The following BBX variants were observed in gnomAD, a reference collection of about 807,000 sequenced individuals.
The protein encoded by BBX is HMG box transcription factor BBX.
In BBX, 30 loss-of-function variants were observed where a neutral mutation model predicts 100.2. The observed-to-expected ratio is 0.30, with a 90% CI of 0.22 to 0.41. BBX has a LOEUF of 0.41. BBX is among the 10% of genes least tolerant of loss of function. The probability of loss-of-function intolerance (pLI) is 1.00; values close to 1 mark genes in which losing one functional copy is unlikely to be tolerated. For missense variants in BBX, 1,023 were observed against 1,129.8 expected (o/e 0.91, Z 1.35); for synonymous variants, 376 against 388.1 (o/e 0.97, Z 0.37).
intron 13 of BBX, among the ~76,000 whole-genome samples, chr3:107,781,007 T>A (rs2067827504): frequency 6.6e-6 from 1 of 152,088 alleles, no homozygotes; most frequent in African/African-American, 2.4e-5. Context: ...TCATTTGTCA[T>A]CATTCAATAT....
In BBX at chr3:107,662,370, G is replaced by GCTAA. The variant is rs779699450; in HGVS notation, c.-10+16462_-10+16465dup. ...CGGTGGCGGGTAATGAAATGAAAGT[G>GCTAA]CTAAGTTTCAGTCTCCCAACAGCTA... On this transcript the variant is annotated intron_variant, in intron 3 of 17. Transcript: ENST00000325805. Among the ~76,000 whole-genome samples the GCTAA allele has an allele frequency of 4.1e-4, 63 of 152,248 alleles. No homozygotes were observed. The Middle Eastern group carries it at 0.01, about 25-fold the overall frequency.
At position 107,808,590 on chromosome 3, in the gene BBX, A is replaced by G. The variant is rs2071172838; in HGVS notation, c.*3133A>G. 6.6e-6 allele frequency: 1 copy of G among 152,204 alleles called. No individual in the cohort carries two copies. Among genetic ancestry groups the G allele is most frequent in the Non-Finnish European group, 1.5e-5 (1 of 68,034 alleles). The allele number at this position is 152,204 out of a possible 1,614,324, so 9.4% of individuals were successfully genotyped here. ...TTATAGTAACTGAAGCTGCAGCTGT[A>G]AGAAGCTGAGTGAAAGAAAAAATAC... On this transcript the variant is annotated 3_prime_UTR_variant, in exon 18 of 18. Transcript: ENST00000325805.
At chr3:107,624,273 A>T (rs924429400) in intron 2 of BBX, among the ~76,000 whole-genome samples, 1 of 152,230 alleles carries the variant, frequency 6.6e-6, no homozygotes, top group Non-Finnish European at 1.5e-5. Flanking sequence ...TATCCATTAC[A>T]TAAAACAAGG....
At chr3:107,528,491 G>A (rs1388667535) in intron 2 of BBX, among the ~76,000 whole-genome samples, 1 of 152,234 alleles carries the variant, frequency 6.6e-6, no homozygotes, top group East Asian at 1.9e-4. Context: ...TTAAGAAAAT[G>A]TATCTTGATC....
chr3:107,579,621 C>T (rs1009803125), intron 2 of BBX, among the ~76,000 whole-genome samples: 1 of 152,234 alleles, frequency 6.6e-6, no homozygotes, highest in African/African-American at 2.4e-5. Context: ...CAGTCCCTCC[C>T]ATCCCAGCAG....
At chr3:107,656,324 A>G (rs1052970638) in intron 3 of BBX, among the ~76,000 whole-genome samples, 16 of 152,170 alleles carry the variant, frequency 1.1e-4, no homozygotes, top group African/African-American at 3.6e-4. Flanking sequence ...AATATCTCTC[A>G]ACAATTAATA....
intron 3 of BBX, among the ~76,000 whole-genome samples, chr3:107,650,994 C>T (rs2057805712): frequency 6.6e-6 from 1 of 152,124 alleles, no homozygotes; most frequent in Admixed American, 6.5e-5. Flanking sequence ...GTGTAGGCAG[C>T]GAGCTCTAGT....
At chr3:107,763,329 A>G (rs1428739832) in intron 10 of BBX, among the ~76,000 whole-genome samples, 1 of 147,594 alleles carries the variant, frequency 6.8e-6, no homozygotes, top group Non-Finnish European at 1.5e-5. Context: ...GGTTCACGCC[A>G]CTCTCCTGCC....
chr3:107,585,291 G>C (rs2052747849), intron 2 of BBX, among the ~76,000 whole-genome samples: 1 of 152,188 alleles, frequency 6.6e-6, no homozygotes, highest in Non-Finnish European at 1.5e-5. Context: ...GAAGAAAAAG[G>C]TGATAGTTAC....
In BBX at chr3:107,549,468, C is replaced by T. The variant is rs1451433896; in HGVS notation, c.-84+23070C>T. Among the ~76,000 whole-genome samples the T allele has an allele frequency of 4.2e-4, 64 of 152,006 alleles. 1 individual carries two copies. Among genetic ancestry groups the T allele is most frequent in the Non-Finnish European group, 1.5e-5 (1 of 67,980 alleles). The stretch of plus-strand genomic sequence containing the variant: ...TCATACTCTCAGGAATTATGCAAGT[C>T]CAGGATAGGTGTGTGCAAAGATAGC... On this transcript the variant is annotated intron_variant, in intron 2 of 17. Coordinates refer to ENST00000325805, the MANE Select transcript of BBX (RefSeq NM_001142568.3).
intron 2 of BBX, among the ~76,000 whole-genome samples, chr3:107,644,816 G>A (rs2057420042): frequency 1.3e-5 from 2 of 151,968 alleles, no homozygotes; most frequent in Non-Finnish European, 2.9e-5. Flanking sequence ...TTTTGTTTTT[G>A]TTAATAGCAC....
intron 4 of BBX, chr3:107,711,348 A>T (rs575614911): frequency 4.2e-6 from 2 of 471,102 alleles, no homozygotes; most frequent in Middle Eastern, 3.2e-4. Flanking sequence ...AGAAATGAGA[A>T]TGGTGCCTGG....
rs1328616632 is a variant in BBX, at chr3:107,778,592, C to T, written c.2203+73C>T. The T allele has an allele frequency of 4.0e-6, 6 of 1,482,264 alleles. No individual in the cohort carries two copies. In the African/African-American group the frequency reaches 8.5e-5, roughly 21 times the overall value. 91.8% of individuals were successfully genotyped at this position (1,482,264 alleles called of 1,614,324 possible). A position where few individuals can be genotyped will look rare whatever the true frequency, so the allele number is the denominator to read the frequency against. Reference sequence around the variant, plus strand: ...GACCCTTCAGCCAAGCTTTTAGCTCCCTTTAGACATATCATTGGATTTGGA... The same window carrying T: ...GACCCTTCAGCCAAGCTTTTAGCTCTCTTTAGACATATCATTGGATTTGGA... On this transcript the variant is annotated intron_variant, in intron 13 of 17. Coordinates refer to ENST00000325805, the MANE Select transcript of BBX (RefSeq NM_001142568.3).
intron 13 of BBX, among the ~76,000 whole-genome samples, chr3:107,779,162 C>A (rs1256430294): frequency 6.6e-6 from 1 of 151,544 alleles, no homozygotes; most frequent in African/African-American, 2.4e-5. Flanking sequence ...TTGGATGGAT[C>A]TCAGCATTCA....
chr3:107,575,059 C>T (rs1443253260), intron 2 of BBX, among the ~76,000 whole-genome samples: 1 of 152,186 alleles, frequency 6.6e-6, no homozygotes, highest in Non-Finnish European at 1.5e-5. Context: ...GCTGTTTCCA[C>T]CCTTAGAAAT....
chr3:107,596,556 A>G (rs1465461996), intron 2 of BBX, among the ~76,000 whole-genome samples: 1 of 152,138 alleles, frequency 6.6e-6, no homozygotes, highest in African/African-American at 2.4e-5. Context: ...CCAGCTCATG[A>G]GATTCCACAC....
intron 2 of BBX, among the ~76,000 whole-genome samples, chr3:107,595,779 T>C (rs1172316323): frequency 6.6e-6 from 1 of 152,202 alleles, no homozygotes; most frequent in East Asian, 1.9e-4. Context: ...ACAAACTTGA[T>C]GTAAAGCTTA....
intron 3 of BBX, among the ~76,000 whole-genome samples, chr3:107,690,262 G>A (rs2060076214): frequency 6.6e-6 from 1 of 151,840 alleles, no homozygotes; most frequent in Non-Finnish European, 1.5e-5. Context: ...TTAGCATATA[G>A]TCTCTCTTAT....
At chr3:107,727,343 C>T (rs1479599483) in intron 5 of BBX, among the ~76,000 whole-genome samples, 3 of 152,098 alleles carry the variant, frequency 2.0e-5, no homozygotes, top group Non-Finnish European at 2.9e-5. Context: ...TCTGCCTCAG[C>T]TTAATATGTA....
Sources: allele counts gnomAD v4.1 joint callset (sites outside exome capture counted in the v4.1 genomes callset), GRCh38; gene constraint gnomAD v4.1.1; transcripts MANE v1.5; gene names NCBI Gene and HGNC (gene_info 2026-07-23, HGNC 2026-07-21).